Variants in GNAQ observed in about 807,000 individuals in gnomAD.
GNAQ encodes G protein subunit alpha q.
GNAQ carries 8 observed loss-of-function variants against 43.9 expected under a neutral mutation model. The observed-to-expected ratio is 0.18, with a 90% CI of 0.11 to 0.33. GNAQ has a LOEUF of 0.33. Ranked by LOEUF, GNAQ falls within the 10% of genes least tolerant of loss-of-function variation. GNAQ has a pLI of 1.00. For synonymous variants in GNAQ, 155 were observed against 170.7 expected, an observed-to-expected ratio of 0.91 and a Z score of 0.71; for missense variants, 158 against 450.8, an observed-to-expected ratio of 0.35 and a Z score of 5.88.
intron 5 of GNAQ, among the ~76,000 whole-genome samples, chr9:77,756,517 G>T (rs1364484243): frequency 1.3e-5 from 2 of 152,234 alleles, no homozygotes; most frequent in Admixed American, 6.5e-5. Flanking sequence ...GGGCAGGTTA[G>T]TAAGTTCTTA....
chr9:77,724,954 A>G (rs575611594), intron 6 of GNAQ, among the ~76,000 whole-genome samples: 1 of 152,336 alleles, frequency 6.6e-6, no homozygotes, highest in Non-Finnish European at 1.5e-5. Flanking sequence ...ATTCAAAACC[A>G]GAAAGTAACA....
chr9:77,798,840 A>G (rs1276892151), intron 3 of GNAQ, among the ~76,000 whole-genome samples: 2 of 152,208 alleles, frequency 1.3e-5, no homozygotes, highest in African/African-American at 4.8e-5. Flanking sequence ...GAGTTCACAA[A>G]TGCAGAACCC....
rs1185925280 is a variant in GNAQ at position 77,885,766 on chromosome 9, GA to G, written c.321+36394del. 9.0e-5 allele frequency among the ~76,000 whole-genome samples: 12 copies of G among 132,682 alleles called. No individual in the cohort carries two copies. The East Asian group carries it at 2.4e-3, about 26-fold the overall frequency. The allele number at this position is 132,682 out of a possible 152,430, so 87.0% of individuals were successfully genotyped here. ...TTTTTTTTTTAATGAGATTGAAAGAGAAAACTAGGAAGAGAAAGAACAAGAA... is the reference window on the plus strand; with the variant it reads ...TTTTTTTTTTAATGAGATTGAAAGAGAAACTAGGAAGAGAAAGAACAAGAA... On this transcript the variant is annotated intron_variant, in intron 2 of 6. Coordinates refer to ENST00000286548, the MANE Select transcript of GNAQ (RefSeq NM_002072.5).
intron 5 of GNAQ, among the ~76,000 whole-genome samples, chr9:77,739,699 A>G (rs1825624766): frequency 6.6e-6 from 1 of 152,210 alleles, no homozygotes. Flanking sequence ...CTGAAATAGC[A>G]TTTTGCAAAC....
intron 1 of GNAQ, among the ~76,000 whole-genome samples, chr9:77,937,711 G>A (rs1437222906): frequency 6.6e-6 from 1 of 151,952 alleles, no homozygotes; most frequent in Admixed American, 6.6e-5. Context: ...TGACCAACAT[G>A]GTGAAACCCT....
At chr9:77,864,794 A>T (rs1827921521) in intron 2 of GNAQ, among the ~76,000 whole-genome samples, 1 of 152,038 alleles carries the variant, frequency 6.6e-6, no homozygotes, top group South Asian at 2.1e-4. Flanking sequence ...AAATGAACAC[A>T]CTCTTTTCTG....
intron 1 of GNAQ, among the ~76,000 whole-genome samples, chr9:77,934,977 T>A (rs1216100763): frequency 6.6e-6 from 1 of 151,892 alleles, no homozygotes; most frequent in Non-Finnish European, 1.5e-5. Context: ...ATACAAAAAT[T>A]AGCAGGGTAT....
intron 3 of GNAQ, among the ~76,000 whole-genome samples, chr9:77,800,369 T>C (rs542702870): frequency 0.013 from 1,949 of 152,066 alleles, 37 homozygotes; most frequent in African/African-American, 0.043. Flanking sequence ...GTGGCACATA[T>C]ACACCATGGA....
intron 2 of GNAQ, among the ~76,000 whole-genome samples, chr9:77,865,851 T>G (rs1419937440): frequency 6.6e-6 from 1 of 152,238 alleles, no homozygotes; most frequent in Non-Finnish European, 1.5e-5. Context: ...GTGAGGCTGA[T>G]TATAATTAGT....
At chr9:77,972,953 C>CAA (rs11356658) in intron 1 of GNAQ, among the ~76,000 whole-genome samples, 3 of 62,504 alleles carry the variant, frequency 4.8e-5, no homozygotes, top group Admixed American at 1.8e-4. Context: ...GACTCCATCT[C>CAA]AAAAAAAAAA....
At chr9:77,923,396 T>C (rs1272332671) in intron 1 of GNAQ, among the ~76,000 whole-genome samples, 1 of 152,184 alleles carries the variant, frequency 6.6e-6, no homozygotes, top group Non-Finnish European at 1.5e-5. Flanking sequence ...ATATTACTTT[T>C]CCGTTACCAT....
chr9:77,880,095 TA>T (rs1828185629), intron 2 of GNAQ, among the ~76,000 whole-genome samples: 1 of 152,188 alleles, frequency 6.6e-6, no homozygotes, highest in African/African-American at 2.4e-5. Flanking sequence ...AGAAATGTAT[TA>T]ATCAGTCAGC....
intron 5 of GNAQ, among the ~76,000 whole-genome samples, chr9:77,754,075 G>A (rs971000994): frequency 2.0e-5 from 3 of 152,174 alleles, no homozygotes; most frequent in Non-Finnish European, 4.4e-5. Context: ...ATTAAAAGGA[G>A]CACTCAAGGC....
intron 2 of GNAQ, among the ~76,000 whole-genome samples, chr9:77,828,719 T>C (rs916468761): frequency 1.3e-5 from 2 of 152,186 alleles, no homozygotes; most frequent in African/African-American, 4.8e-5. Flanking sequence ...TGAAATGTGA[T>C]CTAACAAGAC....
intron 3 of GNAQ, among the ~76,000 whole-genome samples, chr9:77,807,323 C>G (rs76260868): frequency 0.011 from 1,660 of 152,188 alleles, 11 homozygotes; most frequent in Non-Finnish European, 0.018. Flanking sequence ...GTTCTATTAG[C>G]CCTCTTACAA....
chr9:77,763,125 TAAAC>T (rs533634291), intron 5 of GNAQ, among the ~76,000 whole-genome samples: 5,431 of 133,796 alleles, frequency 0.041, 90 homozygotes, highest in Non-Finnish European at 0.059. Context: ...AACAAAAAAA[TAAAC>T]AAACAAACAA....
chr9:77,986,163 ACATAGCTGCTGCAAGATATCTGGCT>A (rs1415276786), intron 1 of GNAQ, among the ~76,000 whole-genome samples: 54 of 152,282 alleles, frequency 3.5e-4, no homozygotes, highest in Admixed American at 1.4e-3. Context: ...TTCCCTTGCC[ACATAGCTGCTGCAAGATATCTGGCT>A]CATACCTGCT....
intron 2 of GNAQ, among the ~76,000 whole-genome samples, chr9:77,880,555 G>GT (rs55926441): frequency 0.61 from 85,885 of 141,324 alleles, 25,809 homozygotes; most frequent in East Asian, 0.71. Context: ...GATTTTTTCT[G>GT]TTTTTTTTTT....
At chr9:77,990,047 GGCA>G (rs1193115090) in intron 1 of GNAQ, among the ~76,000 whole-genome samples, 8 of 152,032 alleles carry the variant, frequency 5.3e-5, no homozygotes, top group African/African-American at 1.9e-4. Flanking sequence ...ACTCTGGTTT[GGCA>G]GTTATTTACA....
Sources: gnomAD v4.1 joint callset for allele counts (sites outside exome capture counted in the v4.1 genomes callset) on GRCh38, gnomAD v4.1.1 for gene constraint, MANE v1.5 for transcripts, NCBI Gene and HGNC (gene_info 2026-07-23, HGNC 2026-07-21) for gene names.